Variants in PSMD9 observed in about 807,000 individuals in gnomAD.
PSMD9 encodes proteasome 26S subunit, non-ATPase 9, also known as 26S proteasome non-ATPase regulatory subunit 9.
PSMD9 carries 26 observed loss-of-function variants against 25.9 expected under a neutral mutation model. The observed-to-expected ratio is 1.00, with a 90% CI of 0.73 to 1.39. The LOEUF is 1.39. Among genes scored for constraint, PSMD9 ranks in the 40% most tolerant of loss-of-function variants. PSMD9 has a pLI of 0.00. For synonymous variants in PSMD9, 110 were observed against 114.5 expected, an observed-to-expected ratio of 0.96 and a Z score of 0.25; for missense variants, 303 against 299.3, an observed-to-expected ratio of 1.01 and a Z score of -0.09.
At chr12:121,892,560 G>T (rs778887070) in intron 1 of PSMD9, among the ~76,000 whole-genome samples, 4 of 152,134 alleles carry the variant, frequency 2.6e-5, no homozygotes, top group Non-Finnish European at 5.9e-5. Context: ...AATTAGCCGG[G>T]TGTGGTGGCA....
chr12:121,916,195 C>T, intron 5 of PSMD9, 89 bp from the exon 6 acceptor site: 1 of 1,523,778 alleles, frequency 6.6e-7, no homozygotes, highest in African/African-American at 1.4e-5. Context: ...AATGAAAGAA[C>T]ATTGGTGAAA....
At chr12:121,889,803 C>A (rs758621919) in intron 1 of PSMD9, among the ~76,000 whole-genome samples, 7 of 152,098 alleles carry the variant, frequency 4.6e-5, no homozygotes, top group Non-Finnish European at 1.0e-4. Flanking sequence ...AAAGCTGATG[C>A]AGGTTTTCTT....
intron 1 of PSMD9, among the ~76,000 whole-genome samples, chr12:121,891,717 C>A (rs7978966): frequency 0.086 from 13,103 of 151,566 alleles, 1,183 homozygotes; most frequent in African/African-American, 0.22. Flanking sequence ...ACCAGCCTGG[C>A]CAACATGGTG....
intron 3 of PSMD9, chr12:121,902,306 G>A (rs1255083745): frequency 6.6e-6 from 1 of 152,008 alleles, no homozygotes; most frequent in Non-Finnish European, 1.5e-5. Context: ...GTTCCTGCCA[G>A]GTGGAATGGG....
chr12:121,899,870 G>A (rs1304112746), intron 3 of PSMD9, 25 bp downstream of exon 3: 2 of 1,613,588 alleles, frequency 1.2e-6, no homozygotes, highest in Non-Finnish European at 1.7e-6. Context: ...GGCCACTCAA[G>A]TCCATGCCCA....
intron 4 of PSMD9, among the ~76,000 whole-genome samples, chr12:121,909,159 G>C (rs1006539700): frequency 2.0e-5 from 3 of 152,110 alleles, no homozygotes; most frequent in African/African-American, 7.2e-5. Context: ...GAGACATTTA[G>C]GGTGTAAAAT....
intron 3 of PSMD9, among the ~76,000 whole-genome samples, chr12:121,901,666 C>CTTTTTTTTTTTTTTTTTTTTTT (rs563939839): frequency 2.1e-5 from 2 of 93,608 alleles, no homozygotes; most frequent in African/African-American, 5.9e-5. Context: ...TTCATTCCTT[C>CTTTTTTTTTTTTTTTTTTTTTT]TTTTTTTTTT....
chr12:121,906,239 G>C (rs1228671107), intron 4 of PSMD9, among the ~76,000 whole-genome samples: 1 of 152,136 alleles, frequency 6.6e-6, no homozygotes, highest in Non-Finnish European at 1.5e-5. Flanking sequence ...AGGCTGAGCT[G>C]TCTTGGTGGG....
At chr12:121,892,669 C>G (rs572950593) in intron 1 of PSMD9, among the ~76,000 whole-genome samples, 4 of 152,074 alleles carry the variant, frequency 2.6e-5, no homozygotes, top group South Asian at 4.2e-4. Context: ...CCACTGTACT[C>G]TAGCCTGGGC....
intron 4 of PSMD9, 151 bp downstream of exon 4, chr12:121,903,258 G>A (rs1879453696): frequency 2.9e-6 from 2 of 700,340 alleles, no homozygotes; most frequent in Non-Finnish European, 4.9e-6. Flanking sequence ...TGGTGTCTGG[G>A]GAGGGCTTGC....
chr12:121,906,089 T>A (rs1196852717), intron 4 of PSMD9, among the ~76,000 whole-genome samples: 2 of 152,242 alleles, frequency 1.3e-5, no homozygotes, highest in African/African-American at 4.8e-5. Flanking sequence ...TTTTAATCTG[T>A]TTTATCCAGT....
chr12:121,912,701 G>A (rs1364029634), intron 4 of PSMD9, among the ~76,000 whole-genome samples: 2 of 151,188 alleles, frequency 1.3e-5, no homozygotes, highest in East Asian at 3.9e-4. Context: ...CCTGTCTCTG[G>A]AAAAAAATAC....
chr12:121,913,920 G>A (rs1034738633), intron 4 of PSMD9, among the ~76,000 whole-genome samples: 1 of 151,298 alleles, frequency 6.6e-6, no homozygotes, highest in Non-Finnish European at 1.5e-5. Context: ...ATTTTTTTGA[G>A]ACAGGGTCTC....
intron 4 of PSMD9, among the ~76,000 whole-genome samples, chr12:121,904,063 C>G (rs1879479058): frequency 6.6e-6 from 1 of 152,166 alleles, no homozygotes; most frequent in Non-Finnish European, 1.5e-5. Context: ...TACTTGTAAC[C>G]CATCAGTGCA....
At chr12:121,914,498 C>G (rs1017500531) in intron 4 of PSMD9, 3 of 145,990 alleles carry the variant, frequency 2.1e-5, no homozygotes, top group Admixed American at 1.4e-4. Flanking sequence ...TGCAGTGAGC[C>G]GAGATTGTGC....
At chr12:121,909,001 G>A (rs1393831582) in intron 4 of PSMD9, among the ~76,000 whole-genome samples, 3 of 151,666 alleles carry the variant, frequency 2.0e-5, no homozygotes, top group Non-Finnish European at 2.9e-5. Flanking sequence ...GGGAGCCACC[G>A]CACAGTTCCA....
chr12:121,898,249 T>G (rs970818246), intron 2 of PSMD9: 1 of 152,228 alleles, frequency 6.6e-6, no homozygotes, highest in African/African-American at 2.4e-5. Context: ...GCAATCCCAC[T>G]GACAGGCACA....
At position 121,888,908 on chromosome 12, in the gene PSMD9, G is replaced by A. The variant is rs1360811934; in HGVS notation, c.52G>A (p.Val18Met). The A allele has an allele frequency of 6.3e-7, 1 of 1,597,182 alleles. No individual in the cohort carries two copies. The highest frequency in any genetic ancestry group is 8.5e-7 in the Non-Finnish European group (1 of 1,172,782). ...QSGGSSQAGV[V>M]TVSDVQELMR... ...CGGAGGCTCCTCGCAGGCCGGCGTC[G>A]TGACTGTCAGCGACGTCCAGGAGCT... Residue 18 changes from valine (V) to methionine (M), a missense_variant, in exon 1 of 6, where the codon GTG (valine) becomes ATG (methionine). Physicochemically the swap from Val to Met is conservative, Grantham distance 21 (BLOSUM62 1). Coordinates refer to ENST00000541212, the MANE Select transcript of PSMD9 (RefSeq NM_002813.7).
rs776297079 is a variant in PSMD9 at position 121,888,898 on chromosome 12, G to A, written c.42G>A (p.Gln14=). 1 of 1,600,634 alleles carries A rather than the reference G, an allele frequency of 6.2e-7. No homozygotes were observed. Among genetic ancestry groups the A allele is most frequent in the Non-Finnish European group, 8.5e-7 (1 of 1,174,506 alleles). ...CGAGGCAGAGCGGAGGCTCCTCGCA[G>A]GCCGGCGTCGTGACTGTCAGCGACG... ...EEARQSGGSS[Q]AGVVTVSDVQ... Residue 14 remains glutamine (Q), a synonymous_variant, in exon 1 of 6, where the codon CAG becomes CAA. Coordinates refer to ENST00000541212, the MANE Select transcript of PSMD9 (RefSeq NM_002813.7).
Sources: allele counts gnomAD v4.1 joint callset (sites outside exome capture counted in the v4.1 genomes callset), GRCh38; gene constraint gnomAD v4.1.1; transcripts MANE v1.5; gene names NCBI Gene and HGNC (gene_info 2026-07-23, HGNC 2026-07-21).